Variants in CD226 observed in about 807,000 individuals in gnomAD.
CD226 encodes the protein CD226 molecule, also known as CD226 antigen.
A neutral mutation model predicts 34.9 loss-of-function variants in CD226; 24 were observed. The observed-to-expected ratio is 0.69, with a 90% CI of 0.50 to 0.97. The LOEUF (loss-of-function observed/expected upper bound fraction) is 0.97, where lower values mean the gene tolerates loss of function less well. Ranked by LOEUF, CD226 falls within the 50% of genes least tolerant of loss-of-function variation. The pLI, the probability that CD226 is intolerant of heterozygous loss-of-function variation, is 0.00. For synonymous variants in CD226, 148 were observed against 147.4 expected, an observed-to-expected ratio of 1.00 and a Z score of -0.03; for missense variants, 397 against 412.7, an observed-to-expected ratio of 0.96 and a Z score of 0.33.
chr18:69,959,771 A>G (rs1265677252), upstream of CD226, among the ~76,000 whole-genome samples: 1 of 152,208 alleles, frequency 6.6e-6, no homozygotes, highest in Non-Finnish European at 1.5e-5. Flanking sequence ...CGTGCTGCTG[A>G]CTGACGATAC....
chr18:69,899,161 C>T (rs1420128012), intron 2 of CD226, among the ~76,000 whole-genome samples: 2 of 152,186 alleles, frequency 1.3e-5, no homozygotes, highest in Non-Finnish European at 2.9e-5. Flanking sequence ...TGCTTCATCA[C>T]TTTTCCAACC....
rs1219635894 is a variant in CD226, at chr18:69,873,126, A to AT, written c.830+17dup. 1 of 1,280,356 alleles carries AT rather than the reference A, an allele frequency of 7.8e-7. No individual in the cohort carries two copies. Among genetic ancestry groups the AT allele is most frequent in the Non-Finnish European group, 1.1e-6 (1 of 876,654 alleles). The allele number at this position is 1,280,356 out of a possible 1,614,324, so 79.3% of individuals were successfully genotyped here. A position where few individuals can be genotyped will look rare whatever the true frequency, so the allele number is the denominator to read the frequency against. ...TCTAACATGGTGAATAAGATTCAGC[A>AT]TAAGTTGCACTACTCACCTGTTAAG... is the stretch of plus-strand genomic sequence containing the variant. On this transcript the variant is annotated intron_variant, in intron 4 of 5. Coordinates refer to ENST00000582621, the MANE Select transcript of CD226 (RefSeq NM_001303618.2).
At chr18:69,901,777 G>A (rs2055188342) in intron 2 of CD226, among the ~76,000 whole-genome samples, 2 of 152,092 alleles carry the variant, frequency 1.3e-5, no homozygotes, top group Admixed American at 6.5e-5. Context: ...TACTCAGGAG[G>A]CTGAGGCAGA....
In CD226 at chr18:69,895,748, C is replaced by T; in HGVS notation, c.680G>A (p.Ser227Asn). The T allele has an allele frequency of 6.2e-7, 1 of 1,614,182 alleles. No homozygotes were observed. Among genetic ancestry groups the T allele is most frequent in the Non-Finnish European group, 8.5e-7 (1 of 1,180,020 alleles). Residue 227 changes from serine (S) to asparagine (N), a missense_variant, in exon 3 of 6, where the codon AGC becomes AAC. Ser to Asn is a conservative substitution (Grantham distance 46). Transcript: ENST00000582621. ...CACGAAGGTTTCGTTTTCTCCTGCG[C>T]TGGCCTGCAAGTAGCAGCGGTAAAG... ...SGLYRCYLQA[S>N]AGENETFVMR...
intron 2 of CD226, among the ~76,000 whole-genome samples, chr18:69,923,949 G>A (rs1277391160): frequency 9.0e-5 from 13 of 143,800 alleles, no homozygotes; most frequent in Non-Finnish European, 9.0e-5. Flanking sequence ...GCGAGACTCC[G>A]TCTCAAAAAA....
At chr18:69,876,869 T>C (rs955444686) in intron 3 of CD226, among the ~76,000 whole-genome samples, 1 of 143,308 alleles carries the variant, frequency 7.0e-6, no homozygotes, top group East Asian at 2.1e-4. Flanking sequence ...TTTTTTTTTT[T>C]TTTTTTTTTT....
At chr18:69,930,250 T>A (rs1185787871) in intron 2 of CD226, among the ~76,000 whole-genome samples, 1 of 152,192 alleles carries the variant, frequency 6.6e-6, no homozygotes, top group Non-Finnish European at 1.5e-5. Flanking sequence ...ATATGAGGTG[T>A]CTATTTTGCA....
At chr18:69,933,100 G>GCCTC (rs1311824610) in intron 2 of CD226, among the ~76,000 whole-genome samples, 5 of 152,136 alleles carry the variant, frequency 3.3e-5, no homozygotes, top group Admixed American at 6.5e-5. Context: ...AGGGCCACAG[G>GCCTC]CCTCCCACTT....
upstream of CD226, among the ~76,000 whole-genome samples, chr18:69,959,252 C>T (rs1015324959): frequency 1.3e-5 from 2 of 152,158 alleles, no homozygotes; most frequent in African/African-American, 4.8e-5. Context: ...AATGTTCTAA[C>T]CAGCAGAACA....
chr18:69,907,474 A>C (rs2051116235), intron 2 of CD226, among the ~76,000 whole-genome samples: 1 of 151,974 alleles, frequency 6.6e-6, no homozygotes, highest in Non-Finnish European at 1.5e-5. Context: ...TGCCCAGCTA[A>C]ATTTTTTGTA....
chr18:69,947,449 A>G lies in CD226; in HGVS notation c.-43T>C, dbSNP rs896202948. On this transcript the variant is annotated 5_prime_UTR_variant, in exon 1 of 6. Coordinates refer to ENST00000582621, the MANE Select transcript of CD226 (RefSeq NM_001303618.2). ...AAGGCTGGTTCTATTAAAAAAAAAA[A>G]TTGCTTTTTATAATGTGACATGCAG... 5.0e-6 allele frequency: 7 copies of G among 1,392,074 alleles called. No individual in the cohort carries two copies. In the African/African-American group the frequency reaches 8.9e-5, roughly 18 times the overall value. 86.2% of individuals were successfully genotyped at this position (1,392,074 alleles called of 1,614,324 possible). A position where few individuals can be genotyped will look rare whatever the true frequency, so the allele number is the denominator to read the frequency against.
At chr18:69,867,265 A>G in intron 5 of CD226, 92 bp downstream of exon 5, 1 of 791,684 alleles carries the variant, frequency 1.3e-6, no homozygotes. Context: ...TACTGAAAGG[A>G]CAATAAAATA....
chr18:69,955,135 A>T (rs949284119), intron 1 of CD226, among the ~76,000 whole-genome samples: 6 of 152,060 alleles, frequency 3.9e-5, no homozygotes, highest in African/African-American at 1.4e-4. Context: ...GGGACGGGGA[A>T]CACTCTTCAG....
Position 69,856,820 on chromosome 18 carries a change from C to G in CD226, c.*7494G>C, listed in dbSNP as rs112678482. Reference sequence around the variant, plus strand: ...AAAGTGAAATTTATAGCATTAAGTGCCACTATTGGAAAAGAAAACAACATA... The same window carrying G: ...AAAGTGAAATTTATAGCATTAAGTGGCACTATTGGAAAAGAAAACAACATA... On this transcript the variant is annotated 3_prime_UTR_variant, in exon 6 of 6. Coordinates refer to ENST00000582621, the MANE Select transcript of CD226 (RefSeq NM_001303618.2). 3.2e-4 allele frequency: 48 copies of G among 152,104 alleles called. No homozygotes were observed. The highest frequency in any genetic ancestry group is 1.0e-3 in the African/African-American group (43 of 41,484). The allele number at this position is 152,104 out of a possible 1,614,324, so 9.4% of individuals were successfully genotyped here.
Position 69,942,503 on chromosome 18 carries a change from G to A in CD226, c.382+4231C>T, listed in dbSNP as rs2055738308. ...CCCCTGGTCTGCATTACAGACAGAA[G>A]TCAAAATTCCATTAGGCACATCAAT... is the stretch of plus-strand genomic sequence containing the variant. On this transcript the variant is annotated intron_variant, in intron 2 of 5. Coordinates refer to ENST00000582621, the MANE Select transcript of CD226 (RefSeq NM_001303618.2). Among the ~76,000 whole-genome samples the A allele has an allele frequency of 2.6e-5, 4 of 152,334 alleles. No homozygotes were observed. In the Middle Eastern group the frequency reaches 0.01, roughly 389 times the overall value.
chr18:69,948,789 G>A (rs2145372027), upstream of CD226, among the ~76,000 whole-genome samples: 1 of 152,266 alleles, frequency 6.6e-6, no homozygotes, highest in African/African-American at 2.4e-5. Context: ...ACTGAGTTAT[G>A]CTGGGTCCTC....
intron 2 of CD226, among the ~76,000 whole-genome samples, chr18:69,945,529 G>C (rs947061146): frequency 3.3e-5 from 5 of 152,156 alleles, no homozygotes; most frequent in Admixed American, 1.3e-4. Context: ...TGAAGAAAGT[G>C]TCCTCTCTAG....
intron 2 of CD226, among the ~76,000 whole-genome samples, chr18:69,917,305 C>A (rs1356372354): frequency 6.6e-6 from 1 of 152,184 alleles, no homozygotes; most frequent in Non-Finnish European, 1.5e-5. Flanking sequence ...ACTCACCTTG[C>A]CCCTGGGCTC....
upstream of CD226, among the ~76,000 whole-genome samples, chr18:69,950,376 C>A (rs1490388306): frequency 6.6e-6 from 1 of 152,166 alleles, no homozygotes; most frequent in African/African-American, 2.4e-5. Context: ...TGCCCCCAGT[C>A]TAGTTGGAAA....
Sources: gnomAD v4.1 joint callset for allele counts (sites outside exome capture counted in the v4.1 genomes callset) on GRCh38, gnomAD v4.1.1 for gene constraint, MANE v1.5 for transcripts, NCBI Gene and HGNC (gene_info 2026-07-23, HGNC 2026-07-21) for gene names.